FBXL17: variants seen among roughly 807,000 people sequenced by gnomAD.
FBXL17 encodes the protein F-box/LRR-repeat protein 17.
A neutral mutation model predicts 66.2 loss-of-function variants in FBXL17; 22 were observed. The observed-to-expected ratio is 0.33, with a 90% CI of 0.24 to 0.47. The LOEUF (loss-of-function observed/expected upper bound fraction) is 0.47. Ranked by LOEUF, FBXL17 falls within the 20% of genes least tolerant of loss-of-function variation. The pLI, the probability that FBXL17 is intolerant of heterozygous loss-of-function variation, is 1.00. For missense variants in FBXL17, 878 were observed against 948.2 expected (o/e 0.93, Z 0.97); for synonymous variants, 474 against 400.5 (o/e 1.18, Z -2.19).
intron 6 of FBXL17, among the ~76,000 whole-genome samples, chr5:108,050,745 C>G (rs1275558535): frequency 6.6e-6 from 1 of 151,724 alleles, no homozygotes; most frequent in Non-Finnish European, 1.5e-5. Context: ...AACTCCCCCC[C>G]AAAAAATGAA....
chr5:108,204,060 A>G (rs921979524), intron 5 of FBXL17, among the ~76,000 whole-genome samples: 2 of 152,138 alleles, frequency 1.3e-5, no homozygotes, highest in African/African-American at 4.8e-5. Context: ...TTAAAAAACA[A>G]TATAAAACAA....
chr5:108,243,104 T>A (rs1362372538), intron 4 of FBXL17, among the ~76,000 whole-genome samples: 2 of 152,202 alleles, frequency 1.3e-5, no homozygotes, highest in Non-Finnish European at 2.9e-5. Context: ...CTAGGCTGGA[T>A]TTGGAAAAGT....
chr5:107,978,073 G>T (rs1752653960), intron 7 of FBXL17, among the ~76,000 whole-genome samples: 1 of 151,876 alleles, frequency 6.6e-6, no homozygotes, highest in Admixed American at 6.6e-5. Flanking sequence ...TATTCAGTCA[G>T]CCTGCAGTGG....
At position 108,176,880 on chromosome 5, in the gene FBXL17, A is replaced by G. The variant is rs1352174272; in HGVS notation, c.1745+9237T>C. ...GGATAAATGCACAAATAATTTTACC[A>G]GAAAAACTTTGCCTGTTGTAGCAAA... On this transcript the variant is annotated intron_variant, in intron 6 of 8. Transcript: ENST00000542267. 2.0e-5 allele frequency among the ~76,000 whole-genome samples: 3 copies of G among 152,192 alleles called. No homozygotes were observed. In the East Asian group the frequency reaches 5.8e-4, roughly 29 times the overall value.
At chr5:108,337,132 T>C (rs917163926) in intron 4 of FBXL17, among the ~76,000 whole-genome samples, 5 of 151,898 alleles carry the variant, frequency 3.3e-5, no homozygotes, top group African/African-American at 1.2e-4. Context: ...GGTGCACGCC[T>C]GTAGTCCCAG....
At chr5:108,095,805 T>G (rs139090655) in intron 6 of FBXL17, among the ~76,000 whole-genome samples, 1 of 152,140 alleles carries the variant, frequency 6.6e-6, no homozygotes, top group South Asian at 2.1e-4. Context: ...ATTCGATTGT[T>G]TGAAAAGAAC....
intron 6 of FBXL17, among the ~76,000 whole-genome samples, chr5:108,171,329 T>C (rs1330658340): frequency 1.3e-5 from 2 of 152,162 alleles, no homozygotes; most frequent in African/African-American, 4.8e-5. Context: ...TTGGAGGCAG[T>C]TTAACAGCTA....
At chr5:108,342,087 G>T (rs761583609) in intron 4 of FBXL17, among the ~76,000 whole-genome samples, 10 of 152,108 alleles carry the variant, frequency 6.6e-5, no homozygotes, top group Non-Finnish European at 8.8e-5. Context: ...CTGGCACATA[G>T]TAACTGTTCA....
chr5:108,126,897 A>G (rs1750739055), intron 6 of FBXL17, among the ~76,000 whole-genome samples: 1 of 152,040 alleles, frequency 6.6e-6, no homozygotes. Context: ...GTGTCAACTA[A>G]AAGTAAAAGC....
intron 5 of FBXL17, among the ~76,000 whole-genome samples, chr5:108,215,613 T>A (rs1754565832): frequency 6.6e-6 from 1 of 152,248 alleles, no homozygotes; most frequent in Admixed American, 6.5e-5. Flanking sequence ...TTCAAGACAC[T>A]TACCAGATAT....
chr5:107,999,346 A>T (rs1753616499), intron 7 of FBXL17, among the ~76,000 whole-genome samples: 2 of 151,398 alleles, frequency 1.3e-5, no homozygotes, highest in African/African-American at 4.9e-5. Flanking sequence ...GCCATGCAAG[A>T]CTCTTATGTT....
At chr5:108,185,687 T>C (rs1284740342) in intron 6 of FBXL17, among the ~76,000 whole-genome samples, 3 of 151,834 alleles carry the variant, frequency 2.0e-5, no homozygotes, top group African/African-American at 4.8e-5. Flanking sequence ...ACTCCATCTC[T>C]GAAAAAAAAA....
chr5:108,014,739 G>A (rs1189517173), intron 7 of FBXL17, among the ~76,000 whole-genome samples: 3 of 152,050 alleles, frequency 2.0e-5, no homozygotes, highest in Non-Finnish European at 4.4e-5. Context: ...ATACTAGTCC[G>A]CTTTCATGCT....
chr5:108,309,261 A>G (rs1230588059), intron 4 of FBXL17, among the ~76,000 whole-genome samples: 2 of 152,064 alleles, frequency 1.3e-5, no homozygotes, highest in Non-Finnish European at 2.9e-5. Flanking sequence ...GCCATTTTTA[A>G]TATTAAAATA....
chr5:108,342,059 C>T (rs1007798456), intron 4 of FBXL17, among the ~76,000 whole-genome samples: 3 of 152,104 alleles, frequency 2.0e-5, no homozygotes, highest in Admixed American at 2.0e-4. Context: ...TTTAATTCTT[C>T]GACACCTCTC....
intron 7 of FBXL17, among the ~76,000 whole-genome samples, chr5:107,909,191 C>T (rs910606078): frequency 2.6e-5 from 4 of 152,024 alleles, no homozygotes; most frequent in African/African-American, 4.8e-5. Flanking sequence ...CCAGTCAGAC[C>T]GTTTTGAAGG....
At chr5:108,150,784 C>G (rs903968485) in intron 6 of FBXL17, among the ~76,000 whole-genome samples, 1 of 152,156 alleles carries the variant, frequency 6.6e-6, no homozygotes, top group African/African-American at 2.4e-5. Context: ...CACATAATAA[C>G]GATTTTCCGC....
intron 4 of FBXL17, among the ~76,000 whole-genome samples, chr5:108,275,644 T>C (rs1757454770): frequency 6.6e-6 from 1 of 152,146 alleles, no homozygotes; most frequent in African/African-American, 2.4e-5. Context: ...TAGAAATATA[T>C]CTTCCCAACA....
At chr5:108,334,262 A>C (rs1031790006) in intron 4 of FBXL17, among the ~76,000 whole-genome samples, 1 of 152,194 alleles carries the variant, frequency 6.6e-6, no homozygotes, top group Admixed American at 6.5e-5. Flanking sequence ...AAAGAAAATC[A>C]ACTTGCCCTG....
Sources: gnomAD v4.1 joint callset for allele counts (sites outside exome capture counted in the v4.1 genomes callset) on GRCh38, gnomAD v4.1.1 for gene constraint, MANE v1.5 for transcripts, NCBI Gene and HGNC (gene_info 2026-07-23, HGNC 2026-07-21) for gene names.